SPAG5: variants seen among roughly 807,000 people sequenced by gnomAD.
SPAG5 encodes the protein sperm associated antigen 5.
In SPAG5, 99 loss-of-function variants were observed where a neutral mutation model predicts 145.4. The ratio of observed to expected loss-of-function variants is 0.68; its 90% CI spans 0.58 to 0.80. The LOEUF is 0.80. Ranked by LOEUF, SPAG5 falls within the 30% of genes least tolerant of loss-of-function variation. The probability of loss-of-function intolerance (pLI) is 0.00; values close to 1 mark genes in which losing one functional copy is unlikely to be tolerated. For missense variants in SPAG5, 1,192 were observed against 1,416.0 expected (o/e 0.84, Z 2.54); for synonymous variants, 477 against 525.4 (o/e 0.91, Z 1.26).
Position 28,592,424 on chromosome 17 carries a change from C to T in SPAG5, c.820G>A (p.Ala274Thr). The T allele has an allele frequency of 6.2e-7, 1 of 1,613,864 alleles. No homozygotes were observed. The highest frequency in any genetic ancestry group is 1.1e-5 in the South Asian group (1 of 91,088). Residue 274 changes from alanine to threonine, a missense_variant, in exon 3 of 24, where the codon GCT becomes ACT. By Grantham distance (58) the Ala-to-Thr change is moderately conservative. Transcript: ENST00000321765. ...DPEEEIVEHG[A>T]MEEREMRFPT... The stretch of plus-strand genomic sequence containing the variant: ...AACCTCATTTCTCTTTCCTCCATAG[C>T]TCCATGCTCTACAATTTCCTCCTCT...
intron 5 of SPAG5, 40 bp from the exon 6 acceptor site, chr17:28,586,222 C>A: frequency 1.3e-6 from 2 of 1,546,010 alleles, no homozygotes; most frequent in South Asian, 2.2e-5. Flanking sequence ...CAAATAAAGT[C>A]ACTAAGCAGG....
intron 2 of SPAG5, among the ~76,000 whole-genome samples, chr17:28,596,670 AAATT>A (rs199501465): frequency 0.015 from 2,253 of 152,296 alleles, 41 homozygotes; most frequent in African/African-American, 0.05. Context: ...CTGCATCTCA[AAATT>A]AATTAATTAA....
intron 14 of SPAG5, 75 bp from the exon 15 acceptor site, chr17:28,583,724 G>A (rs2070564135): frequency 1.3e-6 from 2 of 1,547,930 alleles, no homozygotes; most frequent in Admixed American, 4.0e-5. Context: ...TCCCCACAGA[G>A]CTGCATTAAA....
Position 28,583,531 on chromosome 17 carries a change from G to C in SPAG5, c.2665C>G (p.Gln889Glu), listed in dbSNP as rs2070562212. ...EQLQSLTLFL[Q>E]TKLKEKTEQE... Reference sequence around the variant, plus strand: ...CCTACCTTCTCCTTTAGTTTTGTCTGTAGAAAGAGAGTCAGGCTCTGTAGT... The same window carrying C: ...CCTACCTTCTCCTTTAGTTTTGTCTCTAGAAAGAGAGTCAGGCTCTGTAGT... The change falls in exon 15 of 24, where the codon CAG becomes GAG. Residue 889 changes from glutamine (Q) to glutamate (E), a missense_variant. Coordinates refer to ENST00000321765, the MANE Select transcript of SPAG5 (RefSeq NM_006461.4). The C allele has an allele frequency of 1.2e-6, 2 of 1,607,118 alleles. No individual in the cohort carries two copies. Among genetic ancestry groups the C allele is most frequent in the Admixed American group, 3.5e-5 (2 of 57,890 alleles).
chr17:28,590,180 A>G (rs759763664), intron 4 of SPAG5, among the ~76,000 whole-genome samples: 1 of 152,182 alleles, frequency 6.6e-6, no homozygotes, highest in Non-Finnish European at 1.5e-5. Flanking sequence ...ATTAGTTCGT[A>G]TATCTGTGGA....
chr17:28,596,373 T>G (rs1405005795), intron 2 of SPAG5, among the ~76,000 whole-genome samples: 1 of 152,044 alleles, frequency 6.6e-6, no homozygotes, highest in Non-Finnish European at 1.5e-5. Flanking sequence ...TATGGTTAAA[T>G]TCTATAAGTT....
In SPAG5 at chr17:28,579,772, T is replaced by C. The variant is rs150963242; in HGVS notation, c.2863A>G (p.Met955Val). 1,548 of 1,614,168 alleles carry C rather than the reference T, an allele frequency of 9.6e-4. 12 individuals are homozygous for C. In the African/African-American group the frequency reaches 0.017, roughly 18 times the overall value. The change falls in exon 17 of 24, where the codon ATG (methionine) becomes GTG (valine). Residue 955 changes from methionine to valine, a missense_variant. Met to Val is a conservative substitution (Grantham distance 21, BLOSUM62 1). Coordinates refer to ENST00000321765, the MANE Select transcript of SPAG5 (RefSeq NM_006461.4). ...TAACCTGCGGGCTGAAGGGAAACCATTGATGCTACTCGGGTGAAAGCACTC... is the reference window on the plus strand; with the variant it reads ...TAACCTGCGGGCTGAAGGGAAACCACTGATGCTACTCGGGTGAAAGCACTC... ...DKSAFTRVAS[M>V]VSLQPAETPG...
chr17:28,579,891 T>G, intron 16 of SPAG5, 54 bp from the exon 17 acceptor site: 2 of 1,572,228 alleles, frequency 1.3e-6, no homozygotes, highest in Non-Finnish European at 1.8e-6. Context: ...CAGGCAGGGG[T>G]CTACCATAAT....
intron 4 of SPAG5, among the ~76,000 whole-genome samples, chr17:28,589,202 G>A (rs1391979600): frequency 3.3e-5 from 5 of 150,786 alleles, no homozygotes; most frequent in African/African-American, 4.9e-5. Flanking sequence ...GGGTTCAAGC[G>A]ATTCTCATGC....
intron 4 of SPAG5, among the ~76,000 whole-genome samples, chr17:28,588,539 G>T (rs924741153): frequency 3.3e-5 from 5 of 152,194 alleles, no homozygotes; most frequent in African/African-American, 1.2e-4. Context: ...ACTCAAAGGA[G>T]GTCTCTGCAC....
At position 28,592,378 on chromosome 17, in the gene SPAG5, G is replaced by C. The variant is rs1157341928; in HGVS notation, c.866C>G (p.Ser289Cys). The C allele has an allele frequency of 1.2e-6, 2 of 1,614,142 alleles. No homozygotes were observed. Among genetic ancestry groups the C allele is most frequent in the Admixed American group, 3.3e-5 (2 of 60,018 alleles). Residue 289 changes from serine (S) to cysteine (C), a missense_variant, in exon 3 of 24, where the codon TCT (serine) becomes TGT (cysteine). Physicochemically the swap from Ser to Cys is moderately radical, Grantham distance 112. Transcript: ENST00000321765. ...GACAAGTGCTTGATCTTCTGTTTCA[G>C]ACTCCTTAGGATGTGTGGGAAACCT... Reference protein sequence around the residue: ...EMRFPTHPKESETEDQALVSS... With the variant: ...EMRFPTHPKECETEDQALVSS...
chr17:28,590,761 C>G (rs1472515641), intron 4 of SPAG5, among the ~76,000 whole-genome samples: 1 of 148,486 alleles, frequency 6.7e-6, no homozygotes, highest in South Asian at 2.1e-4. Flanking sequence ...CCCAGCTACT[C>G]AGGAGGCTGA....
Position 28,591,857 on chromosome 17 carries a change from C to A in SPAG5, c.1278G>T (p.Leu426=). The change falls in exon 4 of 24, where the codon CTG becomes CTT. Residue 426 remains leucine (L), a synonymous_variant. Transcript: ENST00000321765. ...EQLLCGRPPD[L]TALSRHDLED... ...CCAAGTCATGTCGAGACAAGGCAGT[C>A]AGATCTGGAGGCCGGCTGCAGCAGA... The A allele has an allele frequency of 6.2e-7, 1 of 1,613,790 alleles. No homozygotes were observed. Among genetic ancestry groups the A allele is most frequent in the South Asian group, 1.1e-5 (1 of 91,052 alleles).
At chr17:28,578,798 T>A (rs751069173) in intron 19 of SPAG5, 46 bp from the exon 20 acceptor site, 1 of 1,485,250 alleles carries the variant, frequency 6.7e-7, no homozygotes, top group South Asian at 1.1e-5. Context: ...AGCTGGTCTC[T>A]TCACAGCCCT....
rs1211604112 is a variant in SPAG5 at position 28,584,484 on chromosome 17, G to A, written c.2162-4C>T. 5 of 1,613,528 alleles carry A rather than the reference G, an allele frequency of 3.1e-6. No individual in the cohort carries two copies. The highest frequency in any genetic ancestry group is 2.2e-5 in the East Asian group (1 of 44,876). On this transcript the variant is annotated splice_polypyrimidine_tract_variant and splice_region_variant and intron_variant, in intron 11 of 23. Coordinates refer to ENST00000321765, the MANE Select transcript of SPAG5 (RefSeq NM_006461.4). ...ATCTGCAACTGAGCCCGGAGATCTA[G>A]AACAAAAGTATCCTAATGACACCAT...
chr17:28,584,827 C>T (rs1015887877), intron 10 of SPAG5, 82 bp from the exon 11 acceptor site: 2 of 1,135,914 alleles, frequency 1.8e-6, no homozygotes, highest in East Asian at 2.3e-5. Context: ...TCTTTCTGGA[C>T]AAGACAGAAA....
In SPAG5 at chr17:28,578,714, A is replaced by T. The variant is rs1597593145; in HGVS notation, c.3156T>A (p.Asn1052Lys). The change falls in exon 20 of 24, where the codon AAT (asparagine) becomes AAA (lysine). Residue 1052 changes from asparagine (N) to lysine (K), a missense_variant. Around this residue, in one of 5 missense-constraint regions of SPAG5, gnomAD observed 709 missense variants for 840.7 expected, o/e 0.84. Transcript: ENST00000321765. ...KELQEVIQQQ[N>K]EKILEQIDKS... is the part of the protein sequence containing the mutation. ...TGTCTATCTGTTCTAGGATCTTCTC[A>T]TTCTGCTGCTGTATCACTTCCTGGA... 6.2e-7 allele frequency: 1 copy of T among 1,614,036 alleles called. No homozygotes were observed. The highest frequency in any genetic ancestry group is 8.5e-7 in the Non-Finnish European group (1 of 1,179,934).
intron 2 of SPAG5, 103 bp from the exon 3 acceptor site, chr17:28,593,169 C>A: frequency 7.2e-7 from 1 of 1,381,736 alleles, no homozygotes; most frequent in Admixed American, 2.2e-5. Context: ...AGAATTCTTA[C>A]TACCTCTGCT....
chr17:28,592,009 G>T lies in SPAG5; in HGVS notation c.1235C>A (p.Thr412Asn). 6.2e-7 allele frequency: 1 copy of T among 1,614,166 alleles called. No individual in the cohort carries two copies. The change falls in exon 3 of 24, where the codon ACT becomes AAT. Residue 412 changes from threonine (T) to asparagine (N), a missense_variant. Coordinates refer to ENST00000321765, the MANE Select transcript of SPAG5 (RefSeq NM_006461.4). ...ACACAGGAGCTGCTCTGTCTCAGAA[G>T]TACTGTGCTTGGTGCCAACCAGGCC... The part of the protein sequence containing the change: ...QTGLVGTKHS[T>N]SETEQLLCGR...
Sources: allele counts gnomAD v4.1 joint callset (sites outside exome capture counted in the v4.1 genomes callset), GRCh38; gene constraint gnomAD v4.1.1; regional missense constraint gnomAD v4.1.1; transcripts MANE v1.5; gene names NCBI Gene and HGNC (gene_info 2026-07-23, HGNC 2026-07-21).